PRKG1: variants seen among roughly 807,000 people sequenced by gnomAD.
PRKG1 encodes the protein protein kinase cGMP-dependent 1.
PRKG1 carries 35 observed loss-of-function variants against 88.1 expected under a neutral mutation model. The ratio of observed to expected loss-of-function variants is 0.40; its 90% CI spans 0.30 to 0.53. PRKG1 has a LOEUF of 0.53. Ranked by LOEUF, PRKG1 falls within the 20% of genes least tolerant of loss-of-function variation. The pLI is 0.59. For synonymous variants in PRKG1, 303 were observed against 292.5 expected (o/e 1.04, Z -0.37); for missense variants, 540 against 839.8 (o/e 0.64, Z 4.41).
At chr10:51,027,970 A>C (rs1226882924) in intron 1 of PRKG1, among the ~76,000 whole-genome samples, 3 of 152,210 alleles carry the variant, frequency 2.0e-5, no homozygotes, top group Non-Finnish European at 2.9e-5. Context: ...TCTGGTAGAT[A>C]ATGCTAGACA....
chr10:52,033,469 C>T (rs1366986929), intron 5 of PRKG1, among the ~76,000 whole-genome samples: 1 of 152,152 alleles, frequency 6.6e-6, no homozygotes, highest in Non-Finnish European at 1.5e-5. Flanking sequence ...TTCTGGGTTC[C>T]ATTGCTAAGC....
intron 2 of PRKG1, among the ~76,000 whole-genome samples, chr10:51,415,390 G>A (rs1838208973): frequency 6.6e-6 from 1 of 152,144 alleles, no homozygotes; most frequent in Non-Finnish European, 1.5e-5. Flanking sequence ...TCACTATTCT[G>A]TTGCCTTATT....
At chr10:51,126,920 T>G (rs1261494441) in intron 1 of PRKG1, among the ~76,000 whole-genome samples, 2 of 152,116 alleles carry the variant, frequency 1.3e-5, no homozygotes, top group Non-Finnish European at 2.9e-5. Context: ...TGCAGAAAAT[T>G]GAAATTGGAC....
chr10:51,832,068 G>A (rs1409492650), intron 4 of PRKG1, among the ~76,000 whole-genome samples: 1 of 151,998 alleles, frequency 6.6e-6, no homozygotes, highest in Non-Finnish European at 1.5e-5. Context: ...GAAAATATCA[G>A]GCATTTTTCA....
At chr10:51,623,887 G>C (rs761358174) in intron 3 of PRKG1, among the ~76,000 whole-genome samples, 48 of 152,132 alleles carry the variant, frequency 3.2e-4, no homozygotes, top group Non-Finnish European at 6.0e-4. Flanking sequence ...AGGAAAAGCA[G>C]CACAGGCATT....
intron 2 of PRKG1, among the ~76,000 whole-genome samples, chr10:51,311,052 T>A (rs1488527940): frequency 6.6e-6 from 1 of 152,104 alleles, no homozygotes; most frequent in Non-Finnish European, 1.5e-5. Context: ...GAAAGGTCAC[T>A]ATGGGTGCAG....
At chr10:52,270,787 G>A (rs1178844448) in intron 10 of PRKG1, among the ~76,000 whole-genome samples, 2 of 151,658 alleles carry the variant, frequency 1.3e-5, no homozygotes, top group African/African-American at 4.8e-5. Context: ...AAGTTAATGG[G>A]TGCAGCACAC....
intron 4 of PRKG1, among the ~76,000 whole-genome samples, chr10:51,890,571 G>A (rs7916936): frequency 0.72 from 109,938 of 152,168 alleles, 39,885 homozygotes; most frequent in African/African-American, 0.77. Flanking sequence ...ATAATTGTGT[G>A]AATTGTATTA....
At chr10:52,172,131 A>T (rs1327169234) in intron 9 of PRKG1, among the ~76,000 whole-genome samples, 3 of 152,188 alleles carry the variant, frequency 2.0e-5, no homozygotes, top group Non-Finnish European at 4.4e-5. Flanking sequence ...CTCAAAGGCC[A>T]TTTGCTAATT....
At chr10:51,365,076 T>C (rs1219118644) in intron 2 of PRKG1, among the ~76,000 whole-genome samples, 1 of 151,922 alleles carries the variant, frequency 6.6e-6, no homozygotes, top group Non-Finnish European at 1.5e-5. Context: ...CTACAGACCA[T>C]TACTAGCTCT....
At chr10:51,531,029 A>C (rs2132092979) in intron 3 of PRKG1, among the ~76,000 whole-genome samples, 1 of 152,272 alleles carries the variant, frequency 6.6e-6, no homozygotes, top group South Asian at 2.1e-4. Flanking sequence ...AATGGGGGTA[A>C]GAAGAAATCA....
chr10:51,647,229 C>G (rs1168222469), intron 3 of PRKG1, among the ~76,000 whole-genome samples: 1 of 151,696 alleles, frequency 6.6e-6, no homozygotes. Flanking sequence ...TTTTCTGATC[C>G]AACAGTCTAG....
At chr10:52,034,222 C>T (rs564990523) in intron 5 of PRKG1, among the ~76,000 whole-genome samples, 3,300 of 151,336 alleles carry the variant, frequency 0.022, 112 homozygotes, top group African/African-American at 0.075. Flanking sequence ...TGCCTTCTTA[C>T]ATTAATAAGA....
In PRKG1 at chr10:51,229,390, G is replaced by T. The variant is rs558724280; in HGVS notation, c.478+76060G>T. ...AATAAATGTTCCGTTGTCCATGCCA[G>T]TACCAAACTGACTACTTCTTCCAGA... On this transcript the variant is annotated intron_variant, in intron 2 of 17. Transcript: ENST00000373980. Among the ~76,000 whole-genome samples the T allele has an allele frequency of 2.0e-5, 3 of 152,302 alleles. No homozygotes were observed. In the South Asian group the frequency reaches 6.2e-4, roughly 32 times the overall value.
At chr10:51,649,605 C>G (rs1839991549) in intron 3 of PRKG1, among the ~76,000 whole-genome samples, 2 of 152,152 alleles carry the variant, frequency 1.3e-5, no homozygotes, top group South Asian at 4.1e-4. Context: ...TGCCCAGGTT[C>G]TTGGTGTTTT....
chr10:51,880,742 G>T (rs1841416121), intron 4 of PRKG1, among the ~76,000 whole-genome samples: 1 of 152,132 alleles, frequency 6.6e-6, no homozygotes, highest in Non-Finnish European at 1.5e-5. Context: ...AGAGGAGGAT[G>T]GTAAATTCCA....
intron 3 of PRKG1, among the ~76,000 whole-genome samples, chr10:51,741,235 T>G (rs975721048): frequency 2.6e-5 from 4 of 152,210 alleles, no homozygotes; most frequent in African/African-American, 4.8e-5. Flanking sequence ...TTTCAATTGC[T>G]GTAATTTGAA....
chr10:51,211,402 G>A (rs1838216276), intron 2 of PRKG1, among the ~76,000 whole-genome samples: 2 of 152,156 alleles, frequency 1.3e-5, no homozygotes, highest in Non-Finnish European at 1.5e-5. Flanking sequence ...TTGAAAACTG[G>A]CACAAGACAG....
At chr10:51,183,903 G>A (rs1564630567) in intron 2 of PRKG1, among the ~76,000 whole-genome samples, 2 of 152,038 alleles carry the variant, frequency 1.3e-5, no homozygotes, top group South Asian at 2.1e-4. Flanking sequence ...CCTTTCCTTT[G>A]GCAGACATAG....
Sources: allele counts gnomAD v4.1 joint callset (sites outside exome capture counted in the v4.1 genomes callset), GRCh38; gene constraint gnomAD v4.1.1; transcripts MANE v1.5; gene names NCBI Gene and HGNC (gene_info 2026-07-23, HGNC 2026-07-21).